Variants in MAGI2 observed in about 807,000 individuals in gnomAD.
The protein encoded by MAGI2 is membrane-associated guanylate kinase, WW and PDZ domain-containing protein 2.
MAGI2 carries 35 observed loss-of-function variants against 133.3 expected under a neutral mutation model. The observed-to-expected ratio is 0.26, with a 90% CI of 0.20 to 0.35. MAGI2 has a LOEUF of 0.35. Ranked by LOEUF, MAGI2 falls within the 10% of genes least tolerant of loss-of-function variation. The pLI, the probability that MAGI2 is intolerant of heterozygous loss-of-function variation, is 1.00. For synonymous variants in MAGI2, 729 were observed against 710.6 expected (o/e 1.03, Z -0.41); for missense variants, 1,636 against 1,863.4 (o/e 0.88, Z 2.25).
chr7:79,226,812 A>T (rs1269971137), intron 1 of MAGI2, among the ~76,000 whole-genome samples: 1 of 152,174 alleles, frequency 6.6e-6, no homozygotes, highest in East Asian at 1.9e-4. Flanking sequence ...TTAAAAGATT[A>T]CTTGAAGAAA....
intron 20 of MAGI2, among the ~76,000 whole-genome samples, chr7:78,108,352 C>T (rs1407288201): frequency 1.3e-5 from 2 of 152,110 alleles, no homozygotes; most frequent in African/African-American, 4.8e-5. Flanking sequence ...GATACAATTT[C>T]AATTTGTTTG....
At chr7:78,660,370 T>C (rs1460938676) in intron 2 of MAGI2, among the ~76,000 whole-genome samples, 2 of 150,164 alleles carry the variant, frequency 1.3e-5, no homozygotes, top group Non-Finnish European at 3.0e-5. Flanking sequence ...AACATTATCT[T>C]AGGAAATTAG....
intron 10 of MAGI2, among the ~76,000 whole-genome samples, chr7:78,250,420 T>C (rs951200225): frequency 6.6e-6 from 1 of 152,114 alleles, no homozygotes; most frequent in Non-Finnish European, 1.5e-5. Context: ...TTTATAGTTT[T>C]AAGTGATTTC....
At chr7:78,132,035 C>G (rs937507420) in intron 18 of MAGI2, among the ~76,000 whole-genome samples, 2 of 152,006 alleles carry the variant, frequency 1.3e-5, no homozygotes, top group African/African-American at 4.8e-5. Flanking sequence ...CCACCACAAC[C>G]GGCTAACTTT....
intron 1 of MAGI2, among the ~76,000 whole-genome samples, chr7:79,403,427 T>C (rs1845600875): frequency 6.6e-6 from 1 of 152,130 alleles, no homozygotes; most frequent in Non-Finnish European, 1.5e-5. Flanking sequence ...TTGGAAAACC[T>C]TTCTTGCTTT....
At chr7:78,448,604 T>C (rs543546741) in intron 6 of MAGI2, among the ~76,000 whole-genome samples, 2 of 152,234 alleles carry the variant, frequency 1.3e-5, no homozygotes, top group Admixed American at 6.5e-5. Context: ...TGGACTTAGC[T>C]TTCAAACACA....
chr7:78,046,437 A>G (rs1316404426), intron 21 of MAGI2, among the ~76,000 whole-genome samples: 1 of 151,802 alleles, frequency 6.6e-6, no homozygotes, highest in African/African-American at 2.4e-5. Context: ...GAATGTGTCC[A>G]GTATCACACC....
At chr7:79,007,054 C>G in intron 2 of MAGI2, 36 bp downstream of exon 2, 1 of 1,383,058 alleles carries the variant, frequency 7.2e-7, no homozygotes, top group Non-Finnish European at 1.0e-6. Flanking sequence ...ATTTATCTCT[C>G]AACATAAAAA....
At chr7:79,019,853 G>A (rs1420546797) in intron 1 of MAGI2, among the ~76,000 whole-genome samples, 2 of 151,892 alleles carry the variant, frequency 1.3e-5, no homozygotes, top group Non-Finnish European at 2.9e-5. Flanking sequence ...CCTAGTCTTG[G>A]GTATTTCTTC....
intron 2 of MAGI2, among the ~76,000 whole-genome samples, chr7:78,789,976 A>G (rs1827126050): frequency 1.3e-5 from 2 of 152,312 alleles, no homozygotes; most frequent in East Asian, 1.9e-4. Flanking sequence ...TGCAAACAAA[A>G]TATACTTAAG....
intron 7 of MAGI2, chr7:78,359,130 C>T (rs961986444): frequency 1.1e-4 from 17 of 152,222 alleles, no homozygotes; most frequent in African/African-American, 4.1e-4. Flanking sequence ...CTATGACCTA[C>T]TTGTTCAGGA....
intron 20 of MAGI2, among the ~76,000 whole-genome samples, chr7:78,100,985 A>T (rs970643982): frequency 2.6e-5 from 4 of 152,266 alleles, no homozygotes. Context: ...TTAGAAAAAA[A>T]AAAGTAACCA....
chr7:78,540,357 T>G (rs748497952), intron 3 of MAGI2, among the ~76,000 whole-genome samples: 15 of 152,006 alleles, frequency 9.9e-5, no homozygotes, highest in Non-Finnish European at 2.1e-4. Context: ...GCCAGGAAAG[T>G]GGGAGAAAGC....
intron 2 of MAGI2, among the ~76,000 whole-genome samples, chr7:78,971,778 T>A (rs553966976): frequency 6.6e-6 from 1 of 151,848 alleles, no homozygotes; most frequent in African/African-American, 2.4e-5. Flanking sequence ...ATTTAATCTG[T>A]CTCAATTTCT....
At chr7:79,123,468 C>T (rs1253260437) in intron 1 of MAGI2, among the ~76,000 whole-genome samples, 1 of 152,094 alleles carries the variant, frequency 6.6e-6, no homozygotes, top group African/African-American at 2.4e-5. Flanking sequence ...AATACCTACC[C>T]TATTGGCTTG....
rs368741113 is a variant in MAGI2 at position 78,678,130 on chromosome 7, G to A, written c.419-50891C>T. Among the ~76,000 whole-genome samples the A allele has an allele frequency of 1.9e-4, 29 of 152,208 alleles. 1 individual carries two copies. Among genetic ancestry groups the A allele is most frequent in the African/African-American group, 5.5e-4 (23 of 41,550 alleles). On this transcript the variant is annotated intron_variant, in intron 2 of 21. Coordinates refer to ENST00000354212, the MANE Select transcript of MAGI2 (RefSeq NM_012301.4). ...GGGTAGCTGGACTAAGAAGACAATG[G>A]AATAGTGGAAAACTAACTAGTGGAA...
chr7:78,859,175 G>C (rs1230345765), intron 2 of MAGI2, among the ~76,000 whole-genome samples: 1 of 151,834 alleles, frequency 6.6e-6, no homozygotes. Flanking sequence ...CACACTGATG[G>C]GTATTCACTC....
chr7:79,125,248 G>T, intron 1 of MAGI2: 1 of 441,628 alleles, frequency 2.3e-6, no homozygotes, highest in South Asian at 1.8e-5. Flanking sequence ...ACTGTGAATG[G>T]CTACAACTGT....
intron 2 of MAGI2, among the ~76,000 whole-genome samples, chr7:78,909,303 T>C (rs1247928293): frequency 2.0e-5 from 3 of 151,072 alleles, no homozygotes; most frequent in Non-Finnish European, 4.4e-5. Context: ...CATTAAAAAG[T>C]CAAGAAACGG....
Sources: gnomAD v4.1 joint callset for allele counts (sites outside exome capture counted in the v4.1 genomes callset) on GRCh38, gnomAD v4.1.1 for gene constraint, MANE v1.5 for transcripts, NCBI Gene and HGNC (gene_info 2026-07-23, HGNC 2026-07-21) for gene names.